The following CNNM1 variants were observed in gnomAD, a reference collection of about 807,000 sequenced individuals.
CNNM1 encodes metal transporter CNNM1.
A neutral mutation model predicts 78.8 loss-of-function variants in CNNM1; 44 were observed. The ratio of observed to expected loss-of-function variants is 0.56; its 90% CI spans 0.44 to 0.72. The LOEUF (loss-of-function observed/expected upper bound fraction) is 0.72. Among genes scored for constraint, CNNM1 ranks in the 30% least tolerant of loss-of-function variants. The pLI is 0.00. For missense variants in CNNM1, 1,101 were observed against 1,292.2 expected (o/e 0.85, Z 2.27); for synonymous variants, 584 against 581.5 (o/e 1.00, Z -0.06).
intron 6 of CNNM1, among the ~76,000 whole-genome samples, chr10:99,369,412 C>G (rs543827568): frequency 3.2e-4 from 48 of 152,100 alleles, no homozygotes; most frequent in Non-Finnish European, 6.2e-4. Context: ...TTTCCTCTAC[C>G]CTCTAAATCT....
intron 1 of CNNM1, among the ~76,000 whole-genome samples, chr10:99,336,166 T>C (rs768412659): frequency 6.6e-6 from 1 of 152,214 alleles, no homozygotes; most frequent in Non-Finnish European, 1.5e-5. Context: ...CCCATAAGAT[T>C]ACATTGGAGC....
Position 99,391,712 on chromosome 10 carries a change from T to C in CNNM1, c.*196T>C. ...TCCAGTTCGACTCAGAACCTTGACA[T>C]GGCCATAACAGAAGGAGGTGCCTCT... is the stretch of plus-strand genomic sequence containing the variant. On this transcript the variant is annotated 3_prime_UTR_variant, in exon 11 of 11. Transcript: ENST00000356713. 1 of 554,512 alleles carries C rather than the reference T, an allele frequency of 1.8e-6. No individual in the cohort carries two copies. The highest frequency in any genetic ancestry group is 3.2e-6 in the Non-Finnish European group (1 of 310,166). 34.3% of individuals were successfully genotyped at this position (554,512 alleles called of 1,614,324 possible).
Position 99,329,915 on chromosome 10 carries a change from CGCGGGCGGTG to C in CNNM1, c.534_543del (p.Gly179SerfsTer52), listed in dbSNP as rs1405365706. ...GCAAGGGCGAAGCGGAGCGGGGCGG[CGCGGGCGGTG>C]GCGGGAAGCTCTTTTCACTCTGCGC... On this transcript the variant is annotated frameshift_variant, in exon 1 of 11. Transcript: ENST00000356713. LOFTEE classifies it high-confidence loss of function. 2 of 1,384,506 alleles carry C rather than the reference CGCGGGCGGTG, an allele frequency of 1.4e-6. No homozygotes were observed. The highest frequency in any genetic ancestry group is 1.9e-6 in the Non-Finnish European group (2 of 1,077,054). The allele number at this position is 1,384,506 out of a possible 1,614,324, so 85.8% of individuals were successfully genotyped here.
At chr10:99,359,415 C>T (rs1008099574) in intron 2 of CNNM1, among the ~76,000 whole-genome samples, 5 of 152,106 alleles carry the variant, frequency 3.3e-5, no homozygotes, top group Admixed American at 6.5e-5. Flanking sequence ...GGCATGATTC[C>T]CTAAGAGCTA....
intron 6 of CNNM1, among the ~76,000 whole-genome samples, chr10:99,376,304 A>G (rs2031960264): frequency 6.6e-6 from 1 of 151,794 alleles, no homozygotes; most frequent in East Asian, 1.9e-4. Context: ...AGTGCTGGCT[A>G]TCCACCCACA....
intron 6 of CNNM1, among the ~76,000 whole-genome samples, chr10:99,370,167 A>G (rs1161938764): frequency 1.3e-5 from 2 of 152,090 alleles, no homozygotes; most frequent in East Asian, 3.9e-4. Flanking sequence ...GCTGTGCAGA[A>G]CCCCCAGGAA....
At chr10:99,376,470 C>T (rs1049068450) in intron 6 of CNNM1, among the ~76,000 whole-genome samples, 2 of 152,218 alleles carry the variant, frequency 1.3e-5, no homozygotes, top group African/African-American at 4.8e-5. Flanking sequence ...TGGGGGCAGG[C>T]CTGAATGCTT....
chr10:99,370,355 G>C (rs568413090), intron 6 of CNNM1, among the ~76,000 whole-genome samples: 1 of 152,142 alleles, frequency 6.6e-6, no homozygotes, highest in Non-Finnish European at 1.5e-5. Context: ...AACTCTGCAG[G>C]GTGGAGCAAT....
In CNNM1 at chr10:99,393,578, T is replaced by C. The variant is rs746437345; in HGVS notation, c.*2062T>C. 2 of 152,480 alleles carry C rather than the reference T, an allele frequency of 1.3e-5. No individual in the cohort carries two copies. Among genetic ancestry groups the C allele is most frequent in the African/African-American group, 2.4e-5 (1 of 41,386 alleles). 9.4% of individuals were successfully genotyped at this position (152,480 alleles called of 1,614,324 possible). A position where few individuals can be genotyped will look rare whatever the true frequency, so the allele number is the denominator to read the frequency against. The stretch of plus-strand genomic sequence containing the variant: ...AACTTTCAGCCCAGCGTTTCTGCAA[T>C]GCAGAGTGAAGTGGATACTGGGCAG... On this transcript the variant is annotated 3_prime_UTR_variant, in exon 11 of 11. Transcript: ENST00000356713.
chr10:99,385,944 G>A (rs992625044), intron 7 of CNNM1, among the ~76,000 whole-genome samples: 1 of 152,116 alleles, frequency 6.6e-6, no homozygotes, highest in African/African-American at 2.4e-5. Flanking sequence ...TGTCATTTAG[G>A]GAATTTTCCC....
intron 6 of CNNM1, among the ~76,000 whole-genome samples, chr10:99,370,103 T>C (rs1284560685): frequency 6.6e-6 from 1 of 152,184 alleles, no homozygotes; most frequent in Non-Finnish European, 1.5e-5. Flanking sequence ...GTATTGATTA[T>C]TATAAAGTCC....
chr10:99,332,344 A>T (rs1012680879), intron 1 of CNNM1, among the ~76,000 whole-genome samples: 1 of 152,192 alleles, frequency 6.6e-6, no homozygotes. Flanking sequence ...TTGACTTCAG[A>T]TTCAGCCTTC....
chr10:99,356,600 G>GAAAGAAAAGAAAAGA (rs201882984), intron 1 of CNNM1, among the ~76,000 whole-genome samples: 8 of 129,386 alleles, frequency 6.2e-5, no homozygotes, highest in Non-Finnish European at 7.9e-5. Context: ...AAGAAAGAAA[G>GAAAGAAAAGAAAAGA]AAAGAAAAGA....
Position 99,364,414 on chromosome 10 carries a change from CA to C in CNNM1, c.2029-2del. 1 of 1,581,182 alleles carries C rather than the reference CA, an allele frequency of 6.3e-7. No individual in the cohort carries two copies. The highest frequency in any genetic ancestry group is 1.9e-5 in the Admixed American group (1 of 52,392). On this transcript the variant is annotated splice_acceptor_variant, in intron 4 of 10. Coordinates refer to ENST00000356713, the MANE Select transcript of CNNM1 (RefSeq NM_020348.3). LOFTEE classifies it high-confidence loss of function. The stretch of plus-strand genomic sequence containing the variant: ...TAGTACACTTCCTTTTTTTTTTTTC[CA>C]GGGTAAAGTGGAGGTGGAGGTTGGT...
rs187605932 is a variant in CNNM1, at chr10:99,349,364, C to T, written c.1574-8148C>T. On this transcript the variant is annotated intron_variant, in intron 1 of 10. Coordinates refer to ENST00000356713, the MANE Select transcript of CNNM1 (RefSeq NM_020348.3). ...AACGTGCAGCCAGGGTCGAGAATCA[C>T]GAGTCGGAGTCTTTAAGATATATTT... Among the ~76,000 whole-genome samples the T allele has an allele frequency of 1.0e-3, 157 of 151,984 alleles. 2 individuals carry two copies. Among genetic ancestry groups the T allele is most frequent in the African/African-American group, 3.5e-3 (143 of 41,446 alleles).
chr10:99,356,562 C>CAGACAGAAAGAAAGAAAAGAAAAGAAA, intron 1 of CNNM1, among the ~76,000 whole-genome samples: 24 of 98,444 alleles, frequency 2.4e-4, no homozygotes, highest in Non-Finnish European at 4.8e-4. Context: ...GACAGACAGA[C>CAGACAGAAAGAAAGAAAAGAAAAGAAA]AGAAAGAAAG....
chr10:99,329,367 T>G lies in CNNM1; in HGVS notation c.-21T>G, dbSNP rs1850539529. 2 of 595,222 alleles carry G rather than the reference T, an allele frequency of 3.4e-6. No homozygotes were observed. The highest frequency in any genetic ancestry group is 8.3e-5 in the Admixed American group (2 of 24,072). 36.9% of individuals were successfully genotyped at this position (595,222 alleles called of 1,614,324 possible). A position where few individuals can be genotyped will look rare whatever the true frequency, so the allele number is the denominator to read the frequency against. On this transcript the variant is annotated 5_prime_UTR_variant, in exon 1 of 11. Coordinates refer to ENST00000356713, the MANE Select transcript of CNNM1 (RefSeq NM_020348.3). ...TCGCTCGGCTTCCTGCAGTATCACG[T>G]GCAGCTGCGCTGGGTGCAGGATGGC...
At chr10:99,354,591 G>GAA (rs1157135814) in intron 1 of CNNM1, among the ~76,000 whole-genome samples, 1 of 152,198 alleles carries the variant, frequency 6.6e-6, no homozygotes, top group Non-Finnish European at 1.5e-5. Flanking sequence ...CTAGTTACAA[G>GAA]AAGTAGCAAT....
chr10:99,394,319 C>G lies in CNNM1; in HGVS notation c.*2803C>G, dbSNP rs2032559744. 6.6e-6 allele frequency: 1 copy of G among 152,098 alleles called. No homozygotes were observed. Among genetic ancestry groups the G allele is most frequent in the African/African-American group, 2.4e-5 (1 of 41,402 alleles). 9.4% of individuals were successfully genotyped at this position (152,098 alleles called of 1,614,324 possible). A position where few individuals can be genotyped will look rare whatever the true frequency, so the allele number is the denominator to read the frequency against. Reference sequence around the variant, plus strand: ...ATAATTTTTAAATAAAATGAAAATGCCTTTCCTGGAATGTGGCTGTTTTCC... The same window carrying G: ...ATAATTTTTAAATAAAATGAAAATGGCTTTCCTGGAATGTGGCTGTTTTCC... On this transcript the variant is annotated 3_prime_UTR_variant, in exon 11 of 11. Coordinates refer to ENST00000356713, the MANE Select transcript of CNNM1 (RefSeq NM_020348.3).
Sources: allele counts gnomAD v4.1 joint callset (sites outside exome capture counted in the v4.1 genomes callset), GRCh38; gene constraint gnomAD v4.1.1; transcripts MANE v1.5; gene names NCBI Gene and HGNC (gene_info 2026-07-23, HGNC 2026-07-21).